NDUFAF1: variants seen among roughly 807,000 people sequenced by gnomAD.
NDUFAF1 encodes the protein complex I intermediate-associated protein 30, mitochondrial.
In NDUFAF1, 18 loss-of-function variants were observed where a neutral mutation model predicts 28.7. The ratio of observed to expected loss-of-function variants is 0.63; its 90% CI spans 0.43 to 0.93. The LOEUF (loss-of-function observed/expected upper bound fraction) is 0.93. NDUFAF1 is among the 40% of genes least tolerant of loss of function. The pLI, the probability that NDUFAF1 is intolerant of heterozygous loss-of-function variation, is 0.00. For missense variants in NDUFAF1, 404 were observed against 398.3 expected (o/e 1.01, Z -0.12); for synonymous variants, 113 against 139.7 (o/e 0.81, Z 1.35).
At chr15:41,393,039 A>T (rs1305663811) in intron 3 of NDUFAF1, among the ~76,000 whole-genome samples, 3 of 151,970 alleles carry the variant, frequency 2.0e-5, no homozygotes, top group African/African-American at 7.2e-5. Flanking sequence ...ACTCGCTAAT[A>T]GACTGGATGT....
chr15:41,399,083 T>A (rs1038046310), intron 1 of NDUFAF1, among the ~76,000 whole-genome samples: 1 of 151,976 alleles, frequency 6.6e-6, no homozygotes, highest in Non-Finnish European at 1.5e-5. Flanking sequence ...CTGCCCAACA[T>A]GGTAAAACCC....
At chr15:41,401,364 G>A (rs1448441589) in intron 1 of NDUFAF1, among the ~76,000 whole-genome samples, 1 of 144,468 alleles carries the variant, frequency 6.9e-6, no homozygotes, top group African/African-American at 2.5e-5. Flanking sequence ...TCCGCCTCCC[G>A]GGTTCAAGTG....
At chr15:41,395,581 A>AG (rs1365913910) in intron 2 of NDUFAF1, among the ~76,000 whole-genome samples, 1 of 150,702 alleles carries the variant, frequency 6.6e-6, no homozygotes, top group Non-Finnish European at 1.5e-5. Flanking sequence ...CGTGTTAGCC[A>AG]GGATGGTCTC....
At chr15:41,393,385 G>A (rs1249405233) in intron 3 of NDUFAF1, among the ~76,000 whole-genome samples, 21 of 145,438 alleles carry the variant, frequency 1.4e-4, no homozygotes, top group African/African-American at 5.4e-4. Flanking sequence ...CCGGGTTCAC[G>A]CCATTCTCCT....
chr15:41,398,705 A>C (rs2050423254), intron 1 of NDUFAF1, among the ~76,000 whole-genome samples: 1 of 152,112 alleles, frequency 6.6e-6, no homozygotes, highest in African/African-American at 2.4e-5. Context: ...CTGTAATCCC[A>C]GCACTTTGGG....
chr15:41,402,036 T>A, intron 1 of NDUFAF1, 108 bp downstream of exon 1: 2 of 246,758 alleles, frequency 8.1e-6, no homozygotes, highest in Non-Finnish European at 1.7e-5. Flanking sequence ...AAACAGAAAA[T>A]CTAAACTATT....
At chr15:41,391,889 T>A (rs1566822196) in intron 3 of NDUFAF1, among the ~76,000 whole-genome samples, 1 of 151,784 alleles carries the variant, frequency 6.6e-6, no homozygotes, top group Non-Finnish European at 1.5e-5. Context: ...AGAGCAACAC[T>A]AAGTGCAAAG....
At chr15:41,397,478 G>T (rs1050127214) in intron 1 of NDUFAF1, among the ~76,000 whole-genome samples, 1 of 152,084 alleles carries the variant, frequency 6.6e-6, no homozygotes, top group African/African-American at 2.4e-5. Context: ...ACTTTGGGAG[G>T]CTGAGGTGGG....
intron 3 of NDUFAF1, among the ~76,000 whole-genome samples, chr15:41,392,032 CCCATAG>C (rs961413745): frequency 1.3e-5 from 2 of 150,952 alleles, no homozygotes; most frequent in Admixed American, 1.3e-4. Context: ...ATATTGTAGG[CCCATAG>C]GCCATGTGCA....
At position 41,402,126 on chromosome 15, in the gene NDUFAF1, A is replaced by G. The variant is rs1351103463; in HGVS notation, c.-82+18T>C. On this transcript the variant is annotated intron_variant, in intron 1 of 4. Transcript: ENST00000260361. ...CAGCTAGAAGTGAGTAGAATTAGTAAAGCTATCCATGCCTTACCATGTGCC... is the reference window on the plus strand; with the variant it reads ...CAGCTAGAAGTGAGTAGAATTAGTAGAGCTATCCATGCCTTACCATGTGCC... 20 of 440,792 alleles carry G rather than the reference A, an allele frequency of 4.5e-5. No individual in the cohort carries two copies. In the East Asian group the frequency reaches 1.4e-3, roughly 30 times the overall value. 27.3% of individuals were successfully genotyped at this position (440,792 alleles called of 1,614,324 possible).
intron 2 of NDUFAF1, among the ~76,000 whole-genome samples, chr15:41,395,344 A>G (rs1326320108): frequency 6.6e-6 from 1 of 151,826 alleles, no homozygotes; most frequent in Non-Finnish European, 1.5e-5. Context: ...GTATGGAGCA[A>G]TGACTTTTTC....
At chr15:41,389,210 G>A (rs1045357042) in intron 3 of NDUFAF1, among the ~76,000 whole-genome samples, 31 of 150,366 alleles carry the variant, frequency 2.1e-4, no homozygotes, top group African/African-American at 7.1e-4. Flanking sequence ...AGCTTCCTGA[G>A]TAGCTGGGAC....
At position 41,396,852 on chromosome 15, in the gene NDUFAF1, C is replaced by G. The variant is rs1257782096; in HGVS notation, c.208G>C (p.Asp70His). Residue 70 changes from aspartate to histidine, a missense_variant, in exon 2 of 5, where the codon GAT (aspartate) becomes CAT (histidine). Physicochemically the swap from Asp to His is moderately conservative, Grantham distance 81. Transcript: ENST00000260361. ...QGDHQKEVAL[D>H]ITSSEEKPDV... ...GGCTTCTCCTCAGAAGAAGTTATAT[C>G]CAAAGCAACTTCTTTCTGGTGATCT... 1.9e-6 allele frequency: 3 copies of G among 1,614,138 alleles called. No homozygotes were observed. Among genetic ancestry groups the G allele is most frequent in the East Asian group, 2.2e-5 (1 of 44,886 alleles).
chr15:41,394,510 G>A (rs2050357191), intron 3 of NDUFAF1, among the ~76,000 whole-genome samples: 1 of 150,406 alleles, frequency 6.6e-6, no homozygotes, highest in African/African-American at 2.5e-5. Flanking sequence ...TTATATTAAT[G>A]AAACAAAATT....
intron 1 of NDUFAF1, 72 bp downstream of exon 1, chr15:41,402,072 G>A (rs2050470546): frequency 1.3e-5 from 5 of 371,714 alleles, no homozygotes; most frequent in South Asian, 9.6e-5. Flanking sequence ...CCCTGAGGTT[G>A]ACGGTGGGTT....
intron 1 of NDUFAF1, among the ~76,000 whole-genome samples, chr15:41,399,855 CAAAAAAAAAAAA>C (rs35139337): frequency 2.1e-4 from 9 of 42,038 alleles, no homozygotes; most frequent in Admixed American, 1.4e-3. Flanking sequence ...GACTCCTTCT[CAAAAAAAAAAAA>C]AAAAAAAAAA....
At chr15:41,397,698 C>G (rs1325392604) in intron 1 of NDUFAF1, among the ~76,000 whole-genome samples, 1 of 150,358 alleles carries the variant, frequency 6.7e-6, no homozygotes, top group Non-Finnish European at 1.5e-5. Context: ...ACTGGGGAGG[C>G]TGAAGCAGGA....
chr15:41,399,725 G>C (rs998210616), intron 1 of NDUFAF1, among the ~76,000 whole-genome samples: 3 of 150,126 alleles, frequency 2.0e-5, no homozygotes, highest in Non-Finnish European at 3.0e-5. Flanking sequence ...GCGTAGTGGC[G>C]GGCGCCTGTA....
At chr15:41,390,724 CAAA>C (rs574547415) in intron 3 of NDUFAF1, among the ~76,000 whole-genome samples, 2 of 117,716 alleles carry the variant, frequency 1.7e-5, no homozygotes, top group Non-Finnish European at 3.6e-5. Flanking sequence ...GACTCTGTCT[CAAA>C]AAAAAAAAAA....
Sources: gnomAD v4.1 joint callset for allele counts (sites outside exome capture counted in the v4.1 genomes callset) on GRCh38, gnomAD v4.1.1 for gene constraint, MANE v1.5 for transcripts, NCBI Gene and HGNC (gene_info 2026-07-23, HGNC 2026-07-21) for gene names.